Variants in CAMKMT observed in about 807,000 individuals in gnomAD.
CAMKMT encodes CaM KMT.
Under a neutral mutation model 48.0 loss-of-function variants are expected in CAMKMT, and 53 were observed. The ratio of observed to expected loss-of-function variants is 1.10; its 90% CI spans 0.89 to 1.39. The LOEUF is 1.39. Among genes scored for constraint, CAMKMT ranks in the 40% most tolerant of loss-of-function variants. The probability of loss-of-function intolerance (pLI) is 0.00; values close to 1 mark genes in which losing one functional copy is unlikely to be tolerated. For missense variants in CAMKMT, 428 were observed against 402.7 expected, an observed-to-expected ratio of 1.06 and a Z score of -0.54; for synonymous variants, 165 against 152.3, an observed-to-expected ratio of 1.08 and a Z score of -0.61.
chr2:44,536,367 C>G (rs1200998645), intron 3 of CAMKMT, among the ~76,000 whole-genome samples: 1 of 151,578 alleles, frequency 6.6e-6, no homozygotes, highest in Non-Finnish European at 1.5e-5. Flanking sequence ...CTCTGTTGCC[C>G]CGGCTGGAGT....
At chr2:44,379,365 A>G (rs1263472136) in intron 2 of CAMKMT, among the ~76,000 whole-genome samples, 4 of 152,206 alleles carry the variant, frequency 2.6e-5, no homozygotes, top group South Asian at 2.1e-4. Flanking sequence ...TAATGCCACT[A>G]TGAATATGCA....
intron 8 of CAMKMT, among the ~76,000 whole-genome samples, chr2:44,749,971 A>G (rs1573227216): frequency 6.6e-6 from 1 of 152,204 alleles, no homozygotes; most frequent in East Asian, 1.9e-4. Flanking sequence ...TAGGCCCCTC[A>G]TGGAGATGGC....
chr2:44,465,985 C>T (rs2104634099), intron 3 of CAMKMT, among the ~76,000 whole-genome samples: 1 of 152,214 alleles, frequency 6.6e-6, no homozygotes, highest in South Asian at 2.1e-4. Flanking sequence ...GAACTCAAAA[C>T]AAGTCTAAAT....
intron 3 of CAMKMT, among the ~76,000 whole-genome samples, chr2:44,677,922 C>T (rs897998712): frequency 2.6e-5 from 4 of 151,924 alleles, no homozygotes; most frequent in Non-Finnish European, 5.9e-5. Context: ...TCATGCATAA[C>T]ACCCAGTTAA....
chr2:44,533,011 G>A (rs1370494519), intron 3 of CAMKMT, among the ~76,000 whole-genome samples: 11 of 151,248 alleles, frequency 7.3e-5, no homozygotes, highest in South Asian at 2.1e-4. Flanking sequence ...ACGGGGTTTC[G>A]TCATGTTGGC....
At chr2:44,433,876 G>C (rs1489837362) in intron 3 of CAMKMT, among the ~76,000 whole-genome samples, 1 of 152,090 alleles carries the variant, frequency 6.6e-6, no homozygotes, top group Non-Finnish European at 1.5e-5. Context: ...ATCTCACCAT[G>C]CCCTTTTACA....
At chr2:44,500,289 A>G (rs1409869011) in intron 3 of CAMKMT, among the ~76,000 whole-genome samples, 1 of 152,196 alleles carries the variant, frequency 6.6e-6, no homozygotes, top group Non-Finnish European at 1.5e-5. Context: ...TAAATCTGTG[A>G]TACATTTTGA....
At chr2:44,399,255 G>A (rs1039080867) in intron 3 of CAMKMT, among the ~76,000 whole-genome samples, 3 of 152,060 alleles carry the variant, frequency 2.0e-5, no homozygotes, top group Admixed American at 1.3e-4. Flanking sequence ...GTTTTTAATT[G>A]TGTGATAGTC....
chr2:44,551,927 A>G (rs903218359), intron 3 of CAMKMT, among the ~76,000 whole-genome samples: 4 of 152,176 alleles, frequency 2.6e-5, no homozygotes, highest in African/African-American at 9.7e-5. Context: ...TTATACCAGA[A>G]ACAGTTTAGC....
chr2:44,631,408 G>C (rs1190210731), intron 3 of CAMKMT: 30 of 518,058 alleles, frequency 5.8e-5, no homozygotes, highest in South Asian at 1.9e-4. Flanking sequence ...AATAATAATA[G>C]TAATAATAAT....
At chr2:44,707,725 G>C (rs1257589194) in intron 6 of CAMKMT, among the ~76,000 whole-genome samples, 1 of 152,062 alleles carries the variant, frequency 6.6e-6, no homozygotes, top group African/African-American at 2.4e-5. Flanking sequence ...AAGAAAATTT[G>C]TTTCATAATA....
chr2:44,458,449 C>T (rs1331471978), intron 3 of CAMKMT, among the ~76,000 whole-genome samples: 1 of 152,124 alleles, frequency 6.6e-6, no homozygotes, highest in Non-Finnish European at 1.5e-5. Flanking sequence ...TAAATGAGAT[C>T]ATGTAAGTGA....
chr2:44,605,256 A>T (rs1671220225), intron 3 of CAMKMT, among the ~76,000 whole-genome samples: 1 of 152,296 alleles, frequency 6.6e-6, no homozygotes, highest in East Asian at 1.9e-4. Context: ...ATCCATACAG[A>T]TGAGTGTTGC....
chr2:44,483,816 C>T (rs1307643984), intron 3 of CAMKMT, among the ~76,000 whole-genome samples: 1 of 152,012 alleles, frequency 6.6e-6, no homozygotes, highest in Non-Finnish European at 1.5e-5. Flanking sequence ...AGTTGTGATT[C>T]CCGTTGATTT....
intron 3 of CAMKMT, among the ~76,000 whole-genome samples, chr2:44,540,145 T>A (rs1057150474): frequency 2.3e-5 from 2 of 87,250 alleles, no homozygotes; most frequent in Admixed American, 2.9e-4. Context: ...TTCCCTCTCT[T>A]ATATATGTAT....
At chr2:44,383,345 A>G (rs1377709626) in intron 2 of CAMKMT, among the ~76,000 whole-genome samples, 2 of 151,694 alleles carry the variant, frequency 1.3e-5, no homozygotes, top group Non-Finnish European at 2.9e-5. Context: ...TTGTATTTTT[A>G]TTAGAGATGA....
At chr2:44,527,339 C>T (rs1348371598) in intron 3 of CAMKMT, among the ~76,000 whole-genome samples, 1 of 140,488 alleles carries the variant, frequency 7.1e-6, no homozygotes, top group Non-Finnish European at 1.5e-5. Context: ...ATATATAATA[C>T]ATATATACAT....
intron 3 of CAMKMT, among the ~76,000 whole-genome samples, chr2:44,517,077 A>G (rs1670868675): frequency 6.6e-6 from 1 of 152,160 alleles, no homozygotes; most frequent in South Asian, 2.1e-4. Context: ...TCATTTTGAG[A>G]ATTAAATGAT....
intron 3 of CAMKMT, among the ~76,000 whole-genome samples, chr2:44,409,110 T>A (rs895850092): frequency 2.5e-4 from 1 of 3,970 alleles, no homozygotes; most frequent in African/African-American, 7.9e-4. Flanking sequence ...TATATATATA[T>A]ATATATATAT....
Sources: allele counts gnomAD v4.1 joint callset (sites outside exome capture counted in the v4.1 genomes callset), GRCh38; gene constraint gnomAD v4.1.1; transcripts MANE v1.5; gene names NCBI Gene and HGNC (gene_info 2026-07-23, HGNC 2026-07-21).